Variants in GALNTL6 observed in about 807,000 individuals in gnomAD.
GALNTL6 encodes polypeptide N-acetylgalactosaminyltransferase-like 6.
GALNTL6 carries 46 observed loss-of-function variants against 73.7 expected under a neutral mutation model. The observed-to-expected ratio is 0.62, with a 90% CI of 0.49 to 0.80. GALNTL6 has a LOEUF of 0.80. Ranked by LOEUF, GALNTL6 falls within the 30% of genes least tolerant of loss-of-function variation. GALNTL6 has a pLI of 0.00. For missense variants in GALNTL6, 604 were observed against 755.0 expected (o/e 0.80, Z 2.34); for synonymous variants, 259 against 263.7 (o/e 0.98, Z 0.17).
intron 2 of GALNTL6, among the ~76,000 whole-genome samples, chr4:172,076,134 C>T (rs957859066): frequency 5.3e-5 from 8 of 152,172 alleles, no homozygotes; most frequent in Non-Finnish European, 1.0e-4. Context: ...TGGGAATTGA[C>T]CTAGATGCCC....
Position 172,293,440 on chromosome 4 carries a change from C to G in GALNTL6, c.248-18174C>G, listed in dbSNP as rs1045445537. On this transcript the variant is annotated intron_variant, in intron 3 of 12. Coordinates refer to ENST00000506823, the MANE Select transcript of GALNTL6 (RefSeq NM_001034845.3). ...TTATATATGCATTAATGACTCAATA[C>G]AATGAAAAACCTCAAGTTTGAGAGA... 2.7e-4 allele frequency among the ~76,000 whole-genome samples: 4 copies of G among 15,092 alleles called. No homozygotes were observed. In the Admixed American group the frequency reaches 5.5e-3, roughly 21 times the overall value. The allele number at this position is 15,092 out of a possible 152,430, so 9.9% of individuals were successfully genotyped here.
chr4:172,349,954 T>A (rs1433247714), intron 5 of GALNTL6, among the ~76,000 whole-genome samples: 1 of 152,092 alleles, frequency 6.6e-6, no homozygotes, highest in East Asian at 1.9e-4. Context: ...AGAGCCACTG[T>A]CTAAAACTGA....
At chr4:172,914,701 A>C (rs966181774) in intron 8 of GALNTL6, among the ~76,000 whole-genome samples, 3 of 152,236 alleles carry the variant, frequency 2.0e-5, no homozygotes, top group Non-Finnish European at 4.4e-5. Flanking sequence ...AGAGCTAACT[A>C]TCCTAAATGT....
intron 5 of GALNTL6, among the ~76,000 whole-genome samples, chr4:172,356,482 C>T (rs1226735986): frequency 1.3e-5 from 2 of 152,088 alleles, no homozygotes; most frequent in Non-Finnish European, 1.5e-5. Flanking sequence ...ACTTCACAAA[C>T]ATTTTCTCTT....
intron 5 of GALNTL6, among the ~76,000 whole-genome samples, chr4:172,361,686 G>A (rs1742376482): frequency 6.6e-6 from 1 of 152,112 alleles, no homozygotes; most frequent in Admixed American, 6.6e-5. Flanking sequence ...GAGTCAAAAG[G>A]GGCATAAAAT....
chr4:172,790,342 C>T (rs116265525), intron 5 of GALNTL6, among the ~76,000 whole-genome samples: 250 of 152,234 alleles, frequency 1.6e-3, no homozygotes, highest in African/African-American at 5.7e-3. Context: ...GAATGTAACT[C>T]GGGTGTTGTA....
At chr4:172,224,438 G>T (rs1269463735) in intron 2 of GALNTL6, among the ~76,000 whole-genome samples, 1 of 152,130 alleles carries the variant, frequency 6.6e-6, no homozygotes, top group Non-Finnish European at 1.5e-5. Context: ...GACAATAAAA[G>T]TTCACTGATT....
intron 2 of GALNTL6, among the ~76,000 whole-genome samples, chr4:172,014,503 T>C (rs1311284420): frequency 6.6e-6 from 1 of 152,062 alleles, no homozygotes; most frequent in Non-Finnish European, 1.5e-5. Context: ...TATACCTGTT[T>C]GCCATTTGTG....
At chr4:172,832,923 C>T (rs1742715139) in intron 7 of GALNTL6, among the ~76,000 whole-genome samples, 1 of 152,212 alleles carries the variant, frequency 6.6e-6, no homozygotes, top group African/African-American at 2.4e-5. Flanking sequence ...CGGTGATCCC[C>T]ACCAGCTCCA....
At chr4:172,333,795 C>A (rs1181199955) in intron 4 of GALNTL6, among the ~76,000 whole-genome samples, 1 of 152,020 alleles carries the variant, frequency 6.6e-6, no homozygotes, top group Non-Finnish European at 1.5e-5. Context: ...CCAATGTTTT[C>A]TTCTAATATT....
chr4:172,999,094 A>G (rs1490506174), intron 10 of GALNTL6, among the ~76,000 whole-genome samples: 1 of 152,152 alleles, frequency 6.6e-6, no homozygotes, highest in Non-Finnish European at 1.5e-5. Flanking sequence ...GGGCTGAGGA[A>G]TGTGAGCAAG....
At chr4:172,642,088 A>G (rs578167675) in intron 5 of GALNTL6, among the ~76,000 whole-genome samples, 1 of 152,182 alleles carries the variant, frequency 6.6e-6, no homozygotes, top group South Asian at 2.1e-4. Flanking sequence ...AGTGTTGGCA[A>G]GTATGTGAAG....
chr4:171,887,044 T>G (rs1736626064), intron 2 of GALNTL6, among the ~76,000 whole-genome samples: 1 of 152,228 alleles, frequency 6.6e-6, no homozygotes, highest in Non-Finnish European at 1.5e-5. Flanking sequence ...CATAAATTTA[T>G]TTTTTCACAA....
intron 5 of GALNTL6, among the ~76,000 whole-genome samples, chr4:172,533,720 C>A (rs1735249002): frequency 6.6e-6 from 1 of 152,108 alleles, no homozygotes; most frequent in South Asian, 2.1e-4. Flanking sequence ...TAAGTTAGGT[C>A]ATCAGGTGCC....
chr4:172,969,505 C>A (rs1334924902), intron 10 of GALNTL6, among the ~76,000 whole-genome samples: 1 of 152,152 alleles, frequency 6.6e-6, no homozygotes, highest in Non-Finnish European at 1.5e-5. Flanking sequence ...CAACTAAGAA[C>A]CATCAACACT....
At chr4:172,758,642 GT>G (rs1456790764) in intron 5 of GALNTL6, among the ~76,000 whole-genome samples, 8 of 152,112 alleles carry the variant, frequency 5.3e-5, no homozygotes, top group Non-Finnish European at 1.0e-4. Flanking sequence ...ACTTTTTGTG[GT>G]TTAAAGATAT....
intron 5 of GALNTL6, among the ~76,000 whole-genome samples, chr4:172,678,266 A>G (rs1414821757): frequency 6.6e-6 from 1 of 151,990 alleles, no homozygotes; most frequent in Non-Finnish European, 1.5e-5. Flanking sequence ...GCAGAGGAAC[A>G]TTTCTTTTCT....
chr4:171,961,635 A>G (rs961269575), intron 2 of GALNTL6, among the ~76,000 whole-genome samples: 20 of 152,168 alleles, frequency 1.3e-4, no homozygotes, highest in African/African-American at 4.8e-4. Flanking sequence ...TTTCAAAACT[A>G]TGGTACACCT....
intron 10 of GALNTL6, among the ~76,000 whole-genome samples, chr4:172,962,014 T>TA (rs1750080795): frequency 1.3e-5 from 2 of 152,210 alleles, no homozygotes; most frequent in Admixed American, 6.5e-5. Context: ...CAAAGGGAGA[T>TA]GGGGTGGTGC....
Sources: gnomAD v4.1 joint callset for allele counts (sites outside exome capture counted in the v4.1 genomes callset) on GRCh38, gnomAD v4.1.1 for gene constraint, MANE v1.5 for transcripts, NCBI Gene and HGNC (gene_info 2026-07-23, HGNC 2026-07-21) for gene names.